Variants in EVI2B observed in about 807,000 individuals in gnomAD.
EVI2B encodes ecotropic viral integration site 2B.
A neutral mutation model predicts 6.6 loss-of-function variants in EVI2B; 4 were observed. The observed-to-expected ratio is 0.61, with a 90% CI of 0.30 to 1.39. The LOEUF is 1.39. EVI2B is among the 40% of genes most tolerant of loss of function. The pLI is 0.08. For synonymous variants in EVI2B, 181 were observed against 186.8 expected (o/e 0.97, Z 0.25); for missense variants, 484 against 516.6 (o/e 0.94, Z 0.61).
At chr17:31,312,397 G>A (rs139782423) in intron 1 of EVI2B, among the ~76,000 whole-genome samples, 2,624 of 151,912 alleles carry the variant, frequency 0.017, 90 homozygotes, top group African/African-American at 0.06. Context: ...TGTAATCCCA[G>A]CTACTCAGGA....
rs1451760612 is a variant in EVI2B, at chr17:31,305,032, T to C, written c.578A>G (p.Gln193Arg). 1 of 1,614,092 alleles carries C rather than the reference T, an allele frequency of 6.2e-7. No homozygotes were observed. Among genetic ancestry groups the C allele is most frequent in the Admixed American group, 1.7e-5 (1 of 59,994 alleles). ...ATTATAATTGTTTTTTTGTGGGGTT[T>C]GTTTGTTACTGGTAGTATCTAAGAT... is the stretch of plus-strand genomic sequence containing the variant. ...GFILDTTSNK[Q>R]TPQKNNYNSI... is the part of the protein sequence containing the mutation. Residue 193 changes from glutamine to arginine, a missense_variant, in exon 2 of 2, where the codon CAA becomes CGA. By Grantham distance (43) the Gln-to-Arg change is conservative. Transcript: ENST00000330927.
chr17:31,308,451 A>G (rs76151096), intron 1 of EVI2B, among the ~76,000 whole-genome samples: 1 of 152,174 alleles, frequency 6.6e-6, no homozygotes, highest in East Asian at 1.9e-4. Context: ...TGTTAAGATA[A>G]AACTTCTAAA....
Position 31,304,785 on chromosome 17 carries a change from C to A in EVI2B, c.825G>T (p.Trp275Cys). ...KRTSIISLTP[W>C]KPSKSTLLAD... ...CTAAAAGTGTGCTTTTGCTTGGTTT[C>A]CAGGGTGTAAGTGAAATGATTGATG... Residue 275 changes from tryptophan (W) to cysteine (C), a missense_variant, in exon 2 of 2, where the codon TGG becomes TGT. Trp to Cys is a radical substitution (Grantham distance 215). Transcript: ENST00000330927. 6.2e-7 allele frequency: 1 copy of A among 1,614,016 alleles called. No homozygotes were observed. The highest frequency in any genetic ancestry group is 8.5e-7 in the Non-Finnish European group (1 of 1,180,006).
intron 1 of EVI2B, among the ~76,000 whole-genome samples, chr17:31,310,246 C>T (rs534734317): frequency 6.6e-6 from 1 of 150,698 alleles, no homozygotes; most frequent in African/African-American, 2.4e-5. Context: ...CAAAGAAATA[C>T]AAAATAACAC....
chr17:31,308,701 C>T (rs2068795025), intron 1 of EVI2B, among the ~76,000 whole-genome samples: 1 of 151,972 alleles, frequency 6.6e-6, no homozygotes, highest in Admixed American at 6.6e-5. Flanking sequence ...TGAATCTGTC[C>T]TCATCTTTCA....
rs567848411 is a variant in EVI2B, at chr17:31,313,722, A to G, written c.-22+257T>C. ...CTCTATCTCAAAAAAAAAAAAAAAT[A>G]TGTGTGTGTGTGTGTGTGTGTGTGT... On this transcript the variant is annotated intron_variant, in intron 1 of 1. Coordinates refer to ENST00000330927, the MANE Select transcript of EVI2B (RefSeq NM_006495.4). Among the ~76,000 whole-genome samples, 490 of 139,036 alleles carry G rather than the reference A, an allele frequency of 3.5e-3. 3 individuals carry two copies. Among genetic ancestry groups the G allele is most frequent in the African/African-American group, 0.012 (433 of 36,316 alleles). 91.2% of individuals were successfully genotyped at this position (139,036 alleles called of 152,430 possible). A position where few individuals can be genotyped will look rare whatever the true frequency, so the allele number is the denominator to read the frequency against.
chr17:31,312,050 G>A (rs576149836), intron 1 of EVI2B, among the ~76,000 whole-genome samples: 1 of 151,924 alleles, frequency 6.6e-6, no homozygotes, highest in Non-Finnish European at 1.5e-5. Flanking sequence ...TGAAAATTTT[G>A]TGGTGATTTT....
intron 1 of EVI2B, 137 bp downstream of exon 1, chr17:31,313,842 C>A (rs1015366484): frequency 1.8e-5 from 6 of 342,826 alleles, no homozygotes; most frequent in Non-Finnish European, 2.6e-5. Context: ...TTTTTTAATT[C>A]TATGCAACAA....
chr17:31,305,112 T>A lies in EVI2B; in HGVS notation c.498A>T (p.Pro166=), dbSNP rs200125519. ...PSRKQITVHN[P]STQPTSTVKN... ...TGACAGTTGATGTTGGTTGTGTGGA[T>A]GGATTATGAACAGTTATTTGTTTTC... The change falls in exon 2 of 2, where the codon CCA becomes CCT. Residue 166 remains proline (P), a synonymous_variant. Transcript: ENST00000330927. The A allele has an allele frequency of 6.2e-7, 1 of 1,614,152 alleles. No individual in the cohort carries two copies. Among genetic ancestry groups the A allele is most frequent in the Admixed American group, 1.7e-5 (1 of 60,014 alleles).
chr17:31,305,223 T>C lies in EVI2B; in HGVS notation c.387A>G (p.Pro129=), dbSNP rs138554367. 17 of 1,614,024 alleles carry C rather than the reference T, an allele frequency of 1.1e-5. No individual in the cohort carries two copies. The East Asian group carries it at 1.1e-4, about 11-fold the overall frequency. Residue 129 remains proline (P), a synonymous_variant, in exon 2 of 2, where the codon CCA becomes CCG. Coordinates refer to ENST00000330927, the MANE Select transcript of EVI2B (RefSeq NM_006495.4). ...GTTGTGTGGTAGAAGTACGGGCAGA[T>C]GGTAGTTGTCTGGCAGAGGTGAACA... ...QAVFTSARQL[P]SARTSTTQPP...
At position 31,313,969 on chromosome 17, in the gene EVI2B, A is replaced by G. The variant is rs2068957677; in HGVS notation, c.-22+10T>C. The G allele has an allele frequency of 2.5e-6, 1 of 398,008 alleles. No individual in the cohort carries two copies. The highest frequency in any genetic ancestry group is 4.4e-6 in the Non-Finnish European group (1 of 225,772). The allele number at this position is 398,008 out of a possible 1,614,324, so 24.7% of individuals were successfully genotyped here. A position where few individuals can be genotyped will look rare whatever the true frequency, so the allele number is the denominator to read the frequency against. ...CAAGATCAAACCAAATTGTGTGAAA[A>G]TTTTCTTACCTCAGCTGTTAACTTC... On this transcript the variant is annotated intron_variant, in intron 1 of 1. Coordinates refer to ENST00000330927, the MANE Select transcript of EVI2B (RefSeq NM_006495.4).
intron 1 of EVI2B, among the ~76,000 whole-genome samples, chr17:31,311,287 C>T (rs2068869255): frequency 6.6e-6 from 1 of 151,728 alleles, no homozygotes. Context: ...TGCATAAGTA[C>T]TTAAAGGGTC....
chr17:31,311,478 T>C (rs2068874366), intron 1 of EVI2B, among the ~76,000 whole-genome samples: 1 of 152,178 alleles, frequency 6.6e-6, no homozygotes, highest in Admixed American at 6.5e-5. Flanking sequence ...TTAGCAGTAG[T>C]ATTATCTCTA....
At position 31,305,365 on chromosome 17, in the gene EVI2B, G is replaced by A. The variant is rs1289291517; in HGVS notation, c.245C>T (p.Thr82Ile). The A allele has an allele frequency of 6.2e-7, 1 of 1,614,174 alleles. No individual in the cohort carries two copies. The highest frequency in any genetic ancestry group is 8.5e-7 in the Non-Finnish European group (1 of 1,180,016). ...SPAKVTAGQP[T>I]PAVYTSSEKP... ...TTCAGAAGAGGTATAGACAGCTGGT[G>A]TTGGTTGTCCAGCAGTGACTTTGGC... Residue 82 changes from threonine to isoleucine, a missense_variant, in exon 2 of 2, where the codon ACA (threonine) becomes ATA (isoleucine). By Grantham distance (89) the Thr-to-Ile change is moderately conservative. Coordinates refer to ENST00000330927, the MANE Select transcript of EVI2B (RefSeq NM_006495.4).
At chr17:31,313,549 C>A (rs1258706786) in intron 1 of EVI2B, among the ~76,000 whole-genome samples, 1 of 151,472 alleles carries the variant, frequency 6.6e-6, no homozygotes, top group Non-Finnish European at 1.5e-5. Flanking sequence ...ACTAAAAATA[C>A]AAAAAAATTA....
rs572332677 is a variant in EVI2B, at chr17:31,305,215, C to T, written c.395G>A (p.Arg132His). The change falls in exon 2 of 2, where the codon CGT becomes CAT. Residue 132 changes from arginine (R) to histidine (H), a missense_variant. Physicochemically the swap from Arg to His is conservative, Grantham distance 29 (BLOSUM62 0). Coordinates refer to ENST00000330927, the MANE Select transcript of EVI2B (RefSeq NM_006495.4). ...FTSARQLPSARTSTTQPPKSF... is the reference protein window; with the variant it reads ...FTSARQLPSAHTSTTQPPKSF... ...CTTTGGTGGTTGTGTGGTAGAAGTA[C>T]GGGCAGATGGTAGTTGTCTGGCAGA... 32 of 1,614,038 alleles carry T rather than the reference C, an allele frequency of 2.0e-5. No individual in the cohort carries two copies. Among genetic ancestry groups the T allele is most frequent in the South Asian group, 1.1e-4 (10 of 91,076 alleles).
intron 1 of EVI2B, among the ~76,000 whole-genome samples, chr17:31,311,011 A>G (rs2068860373): frequency 6.7e-6 from 1 of 150,128 alleles, no homozygotes; most frequent in Non-Finnish European, 1.5e-5. Flanking sequence ...CAGTGGTGCA[A>G]TCTCAGCTCA....
chr17:31,312,256 T>A (rs999138897), intron 1 of EVI2B, among the ~76,000 whole-genome samples: 5 of 152,246 alleles, frequency 3.3e-5, no homozygotes, highest in African/African-American at 1.2e-4. Context: ...CTGCCTGTAA[T>A]CCCAGCACTT....
intron 1 of EVI2B, among the ~76,000 whole-genome samples, chr17:31,311,460 A>T (rs1487618432): frequency 6.6e-6 from 1 of 152,206 alleles, no homozygotes; most frequent in Non-Finnish European, 1.5e-5. Context: ...AATATAATAG[A>T]TTAAAATTTA....
Sources: gnomAD v4.1 joint callset for allele counts (sites outside exome capture counted in the v4.1 genomes callset) on GRCh38, gnomAD v4.1.1 for gene constraint, MANE v1.5 for transcripts, NCBI Gene and HGNC (gene_info 2026-07-23, HGNC 2026-07-21) for gene names.